CDH7: variants seen among roughly 807,000 people sequenced by gnomAD.
CDH7 encodes the protein cadherin 7.
CDH7 carries 25 observed loss-of-function variants against 71.8 expected under a neutral mutation model. The ratio of observed to expected loss-of-function variants is 0.35; its 90% CI spans 0.25 to 0.49. The LOEUF (loss-of-function observed/expected upper bound fraction) is 0.49, where lower values mean the gene tolerates loss of function less well. CDH7 is among the 20% of genes least tolerant of loss of function. The pLI is 0.99. For synonymous variants in CDH7, 381 were observed against 363.8 expected (o/e 1.05, Z -0.54); for missense variants, 862 against 974.6 (o/e 0.88, Z 1.54).
chr18:65,876,543 G>A (rs529067158), intron 11 of CDH7, among the ~76,000 whole-genome samples: 12 of 151,972 alleles, frequency 7.9e-5, no homozygotes, highest in African/African-American at 1.4e-4. Flanking sequence ...GCTCACTGTC[G>A]TCACTGTACC....
chr18:65,795,772 A>G (rs1019091740), intron 2 of CDH7, among the ~76,000 whole-genome samples: 1 of 152,166 alleles, frequency 6.6e-6, no homozygotes, highest in African/African-American at 2.4e-5. Flanking sequence ...CCTCACCCAG[A>G]TCTCATCTTG....
chr18:65,828,533 T>C (rs1415966929), intron 6 of CDH7, among the ~76,000 whole-genome samples: 1 of 152,192 alleles, frequency 6.6e-6, no homozygotes, highest in Non-Finnish European at 1.5e-5. Context: ...ATGCCTAAAA[T>C]ATATGAAGAT....
intron 7 of CDH7, among the ~76,000 whole-genome samples, chr18:65,854,621 G>C (rs751167537): frequency 6.0e-4 from 92 of 152,192 alleles, no homozygotes; most frequent in Non-Finnish European, 1.1e-3. Context: ...CATTTAGACT[G>C]ATGTCTGTCA....
intron 6 of CDH7, among the ~76,000 whole-genome samples, chr18:65,834,811 T>G (rs1912476810): frequency 6.6e-6 from 1 of 152,186 alleles, no homozygotes; most frequent in South Asian, 2.1e-4. Flanking sequence ...CAAGTTTATT[T>G]TGGTTCATTT....
chr18:65,809,751 G>A lies in CDH7; in HGVS notation c.258G>A (p.Leu86=), dbSNP rs934262499. ...DKGDGSIKYI[L]SGEGASSIFI... is the part of the protein sequence containing the mutation. ...GAGATGGTTCCATCAAATACATCTT[G>A]TCAGGCGAAGGGGCAAGTTCCATTT... is the stretch of plus-strand genomic sequence containing the variant. Residue 86 remains leucine, a synonymous_variant, in exon 3 of 12, where the codon TTG becomes TTA. Transcript: ENST00000397968. 2 of 1,613,930 alleles carry A rather than the reference G, an allele frequency of 1.2e-6. No homozygotes were observed. The highest frequency in any genetic ancestry group is 2.7e-5 in the African/African-American group (2 of 74,876).
At chr18:65,840,375 C>A (rs528794682) in intron 6 of CDH7, among the ~76,000 whole-genome samples, 1 of 151,242 alleles carries the variant, frequency 6.6e-6, no homozygotes, top group African/African-American at 2.4e-5. Flanking sequence ...TTCTGGGAAC[C>A]CTAGAGATGC....
intron 2 of CDH7, chr18:65,803,201 T>TAA (rs1183523589): frequency 6.6e-6 from 1 of 152,134 alleles, no homozygotes; most frequent in Non-Finnish European, 1.5e-5. Flanking sequence ...TCAGTAGCCA[T>TAA]ACCTGGGGCT....
chr18:65,889,014 A>G lies in CDH7; in HGVS notation c.*8120A>G, dbSNP rs1914443723. The G allele has an allele frequency of 6.6e-6, 1 of 152,180 alleles. No individual in the cohort carries two copies. Among genetic ancestry groups the G allele is most frequent in the South Asian group, 2.1e-4 (1 of 4,834 alleles). The allele number at this position is 152,180 out of a possible 1,614,324, so 9.4% of individuals were successfully genotyped here. A position where few individuals can be genotyped will look rare whatever the true frequency, so the allele number is the denominator to read the frequency against. ...ATAATTTAATCAGGAAGTGACATTA[A>G]ATTCTGTTTCAATGTAATGAGAAAA... On this transcript the variant is annotated 3_prime_UTR_variant, in exon 12 of 12. Transcript: ENST00000397968.
chr18:65,840,714 C>G lies in CDH7; in HGVS notation c.982-3098C>G, dbSNP rs150332717. 2.5e-3 allele frequency among the ~76,000 whole-genome samples: 384 copies of G among 152,236 alleles called. 3 individuals are homozygous for G. Among genetic ancestry groups the G allele is most frequent in the African/African-American group, 8.7e-3 (362 of 41,562 alleles). ...CCTTCTGTCATGGTTGTGAGACCTC[C>G]CCAGCCACGTGGAACTGTGAGTCCA... On this transcript the variant is annotated intron_variant, in intron 6 of 11. Coordinates refer to ENST00000397968, the MANE Select transcript of CDH7 (RefSeq NM_004361.5).
chr18:65,870,661 C>A (rs922792429), intron 11 of CDH7, among the ~76,000 whole-genome samples: 2 of 152,144 alleles, frequency 1.3e-5, no homozygotes, highest in African/African-American at 2.4e-5. Flanking sequence ...GCTCCTGAAA[C>A]AGTCTTCCTG....
chr18:65,758,603 A>C (rs1018112214), intron 1 of CDH7, among the ~76,000 whole-genome samples: 1 of 152,246 alleles, frequency 6.6e-6, no homozygotes, highest in Admixed American at 6.5e-5. Context: ...TAATATACAC[A>C]ATGCCAGTTA....
intron 2 of CDH7, among the ~76,000 whole-genome samples, chr18:65,783,455 A>G (rs1355046382): frequency 6.6e-6 from 1 of 152,214 alleles, no homozygotes; most frequent in Admixed American, 6.5e-5. Flanking sequence ...AAAATAATGC[A>G]CTATTTCTTA....
intron 11 of CDH7, among the ~76,000 whole-genome samples, chr18:65,868,602 A>G (rs1387225280): frequency 6.6e-6 from 1 of 152,096 alleles, no homozygotes; most frequent in Non-Finnish European, 1.5e-5. Context: ...TAGTGGTTTT[A>G]TTATTTATTC....
At chr18:65,824,485 G>T (rs1035986534) in intron 5 of CDH7, among the ~76,000 whole-genome samples, 159 bp from the exon 6 acceptor site, 2 of 151,312 alleles carry the variant, frequency 1.3e-5, no homozygotes, top group African/African-American at 4.8e-5. Context: ...ACCTCTTAAG[G>T]CTCTATGAAA....
intron 6 of CDH7, among the ~76,000 whole-genome samples, chr18:65,841,873 C>T (rs1029494112): frequency 1.3e-5 from 2 of 151,840 alleles, no homozygotes; most frequent in Admixed American, 6.6e-5. Context: ...TGGACAAGAC[C>T]GACTCTTAGA....
At chr18:65,869,020 C>A (rs1163498417) in intron 11 of CDH7, among the ~76,000 whole-genome samples, 1 of 152,206 alleles carries the variant, frequency 6.6e-6, no homozygotes, top group Admixed American at 6.5e-5. Flanking sequence ...AACATCAATC[C>A]TGAGCAATTT....
At position 65,853,922 on chromosome 18, in the gene CDH7, T is replaced by TATATATCC. The variant is rs1161079824; in HGVS notation, c.1236-3888_1236-3887insCCATATAT. Among the ~76,000 whole-genome samples the TATATATCC allele has an allele frequency of 6.1e-4, 46 of 75,796 alleles. 1 individual carries two copies. Among genetic ancestry groups the TATATATCC allele is most frequent in the African/African-American group, 2.5e-3 (41 of 16,338 alleles). The allele number at this position is 75,796 out of a possible 152,430, so 49.7% of individuals were successfully genotyped here. Reference sequence around the variant, plus strand: ...ATAAATTACCATATATATATATATATATATATATATATATATATATATATA... The same window carrying TATATATCC: ...ATAAATTACCATATATATATATATATATATATCCATATATATATATATATATATATATA... On this transcript the variant is annotated intron_variant, in intron 7 of 11. Transcript: ENST00000397968.
At chr18:65,836,601 T>G (rs1414809704) in intron 6 of CDH7, among the ~76,000 whole-genome samples, 1 of 152,144 alleles carries the variant, frequency 6.6e-6, no homozygotes, top group Non-Finnish European at 1.5e-5. Context: ...CACTGGCACT[T>G]TCTATCTACT....
intron 1 of CDH7, among the ~76,000 whole-genome samples, chr18:65,757,780 T>C (rs1916072117): frequency 7.2e-6 from 1 of 138,396 alleles, no homozygotes; most frequent in African/African-American, 3.1e-5. Context: ...TGTATATCCA[T>C]ATATATATAT....
Sources: allele counts gnomAD v4.1 joint callset (sites outside exome capture counted in the v4.1 genomes callset), GRCh38; gene constraint gnomAD v4.1.1; transcripts MANE v1.5; gene names NCBI Gene and HGNC (gene_info 2026-07-23, HGNC 2026-07-21).